Variants in WSCD2 observed in about 807,000 individuals in gnomAD.
WSCD2 encodes WSC domain sialate O sulfotransferase 2.
A neutral mutation model predicts 55.7 loss-of-function variants in WSCD2; 28 were observed. That is an observed-to-expected ratio of 0.50 (90% CI 0.37 to 0.69). The LOEUF (loss-of-function observed/expected upper bound fraction) is 0.69, where lower values mean the gene tolerates loss of function less well. Among genes scored for constraint, WSCD2 ranks in the 30% least tolerant of loss-of-function variants. The pLI is 0.00. For missense variants in WSCD2, 616 were observed against 762.1 expected, an observed-to-expected ratio of 0.81 and a Z score of 2.26; for synonymous variants, 301 against 301.9, an observed-to-expected ratio of 1.00 and a Z score of 0.03.
intron 1 of WSCD2, among the ~76,000 whole-genome samples, chr12:108,132,135 A>AT (rs5800808): frequency 0.5 from 75,116 of 151,742 alleles, 19,757 homozygotes; most frequent in East Asian, 0.82. Context: ...GGTCAGTGTG[A>AT]TTTTTTTCTG....
chr12:108,204,246 CACAG>C (rs1885054914), intron 2 of WSCD2, among the ~76,000 whole-genome samples: 5 of 152,166 alleles, frequency 3.3e-5, no homozygotes, highest in Admixed American at 1.3e-4. Context: ...CTCACACACA[CACAG>C]ACACACAACC....
At chr12:108,198,823 T>C (rs1035004510) in intron 2 of WSCD2, among the ~76,000 whole-genome samples, 2 of 152,254 alleles carry the variant, frequency 1.3e-5, no homozygotes, top group African/African-American at 4.8e-5. Flanking sequence ...ATTTAATTAC[T>C]ACCACTCAGT....
Position 108,234,374 on chromosome 12 carries a change from T to A in WSCD2, c.1144+1479T>A, listed in dbSNP as rs1311527240. 2.6e-5 allele frequency among the ~76,000 whole-genome samples: 4 copies of A among 152,142 alleles called. No homozygotes were observed. The East Asian group carries it at 7.7e-4, about 29-fold the overall frequency. Reference sequence around the variant, plus strand: ...TGAGACACAGGAGGGAGGCAGAGACTGGGGGAGAAAAGCAAGAAGGGTGAA... The same window carrying A: ...TGAGACACAGGAGGGAGGCAGAGACAGGGGGAGAAAAGCAAGAAGGGTGAA... On this transcript the variant is annotated intron_variant, in intron 7 of 8. Coordinates refer to ENST00000547525, the MANE Select transcript of WSCD2 (RefSeq NM_014653.4).
At chr12:108,175,886 C>G (rs1191470908) in intron 1 of WSCD2, among the ~76,000 whole-genome samples, 4 of 152,174 alleles carry the variant, frequency 2.6e-5, no homozygotes, top group Non-Finnish European at 5.9e-5. Flanking sequence ...GTCGCCCAGG[C>G]TGGAGTGCAG....
intron 1 of WSCD2, among the ~76,000 whole-genome samples, chr12:108,144,391 G>A (rs138189559): frequency 1.2e-3 from 186 of 152,286 alleles, no homozygotes; most frequent in Non-Finnish European, 2.3e-3. Flanking sequence ...TGGCTGCTTC[G>A]AAGCAGTTCA....
At chr12:108,149,318 C>T (rs551030322) in intron 1 of WSCD2, among the ~76,000 whole-genome samples, 1 of 152,238 alleles carries the variant, frequency 6.6e-6, no homozygotes, top group Non-Finnish European at 1.5e-5. Context: ...AACAGAGACT[C>T]GATGTTAACT....
intron 1 of WSCD2, among the ~76,000 whole-genome samples, chr12:108,145,388 C>G (rs1316598047): frequency 6.6e-6 from 1 of 152,158 alleles, no homozygotes; most frequent in Non-Finnish European, 1.5e-5. Context: ...ACCCCTCTAC[C>G]GGACTGTCTG....
At chr12:108,172,715 C>G (rs756660839) in intron 1 of WSCD2, among the ~76,000 whole-genome samples, 15 of 152,204 alleles carry the variant, frequency 9.9e-5, no homozygotes, top group Non-Finnish European at 2.1e-4. Context: ...TCCTCAGAGC[C>G]TTCCCAGAGG....
intron 4 of WSCD2, among the ~76,000 whole-genome samples, chr12:108,211,820 A>ATTTTTT (rs59190207): frequency 5.2e-5 from 7 of 134,602 alleles, no homozygotes; most frequent in Non-Finnish European, 4.7e-5. Context: ...TGCCTGGCTA[A>ATTTTTT]TTTTTTTTTT....
At chr12:108,149,493 G>T (rs1379015348) in intron 1 of WSCD2, among the ~76,000 whole-genome samples, 1 of 152,186 alleles carries the variant, frequency 6.6e-6, no homozygotes, top group Non-Finnish European at 1.5e-5. Context: ...GCCCCCACCA[G>T]CCAGGCCCCC....
intron 4 of WSCD2, among the ~76,000 whole-genome samples, chr12:108,211,838 T>C (rs11615112): frequency 7.6e-6 from 1 of 131,450 alleles, no homozygotes; most frequent in Non-Finnish European, 1.6e-5. Context: ...TTTTTTTTTG[T>C]ATTTTTAGTA....
At chr12:108,183,303 C>T (rs1468071284) in intron 1 of WSCD2, among the ~76,000 whole-genome samples, 1 of 152,216 alleles carries the variant, frequency 6.6e-6, no homozygotes, top group Non-Finnish European at 1.5e-5. Context: ...ATGGTGTCTG[C>T]TGTTTCTCAC....
intron 1 of WSCD2, among the ~76,000 whole-genome samples, chr12:108,170,864 G>A (rs926165085): frequency 2.0e-5 from 3 of 152,202 alleles, no homozygotes; most frequent in African/African-American, 4.8e-5. Context: ...TGAGATTTCA[G>A]TCCTGTGGGC....
chr12:108,164,787 T>C (rs1337692384), intron 1 of WSCD2, among the ~76,000 whole-genome samples: 2 of 152,250 alleles, frequency 1.3e-5, no homozygotes, highest in African/African-American at 4.8e-5. Context: ...CCACATTGTG[T>C]GGGTCACAAT....
At chr12:108,243,338 C>T (rs769991948) in intron 8 of WSCD2, among the ~76,000 whole-genome samples, 4 of 152,196 alleles carry the variant, frequency 2.6e-5, no homozygotes, top group South Asian at 4.2e-4. Context: ...CCCGGGTTCA[C>T]GCTGTTCTCC....
intron 1 of WSCD2, among the ~76,000 whole-genome samples, chr12:108,144,610 T>A (rs988313257): frequency 6.6e-6 from 1 of 152,138 alleles, no homozygotes; most frequent in South Asian, 2.1e-4. Flanking sequence ...AGTTTTTTCA[T>A]CCGTAGCATG....
chr12:108,229,070 G>A (rs1055908118), intron 6 of WSCD2, among the ~76,000 whole-genome samples: 3 of 152,146 alleles, frequency 2.0e-5, no homozygotes, highest in African/African-American at 7.2e-5. Context: ...CATTCCCAGT[G>A]CCCTACCCCC....
chr12:108,174,576 G>T (rs1741163485), intron 1 of WSCD2, among the ~76,000 whole-genome samples: 1 of 152,180 alleles, frequency 6.6e-6, no homozygotes, highest in Admixed American at 6.5e-5. Context: ...GCCAGGGTTT[G>T]CTCATCCCAC....
intron 1 of WSCD2, among the ~76,000 whole-genome samples, chr12:108,146,887 C>T (rs1165624630): frequency 3.3e-5 from 5 of 152,184 alleles, no homozygotes; most frequent in East Asian, 1.9e-4. Flanking sequence ...CCCAAAAGTC[C>T]GGCCAGTCCT....
Sources: gnomAD v4.1 joint callset for allele counts (sites outside exome capture counted in the v4.1 genomes callset) on GRCh38, gnomAD v4.1.1 for gene constraint, MANE v1.5 for transcripts, NCBI Gene and HGNC (gene_info 2026-07-23, HGNC 2026-07-21) for gene names.